The following MTNR1A variants were observed in gnomAD, a reference collection of about 807,000 sequenced individuals.
The protein encoded by MTNR1A is melatonin receptor type 1A.
Under a neutral mutation model 5.5 loss-of-function variants are expected in MTNR1A, and 7 were observed. The ratio of observed to expected loss-of-function variants is 1.28; its 90% CI spans 0.73 to 2.40. The LOEUF is 2.40. Among genes scored for constraint, MTNR1A ranks in the 30% most tolerant of loss-of-function variants. The pLI, the probability that MTNR1A is intolerant of heterozygous loss-of-function variation, is 0.00. For missense variants in MTNR1A, 441 were observed against 464.4 expected (o/e 0.95, Z 0.46); for synonymous variants, 196 against 202.7 (o/e 0.97, Z 0.28).
chr4:186,537,531 T>C (rs571368968), intron 1 of MTNR1A, among the ~76,000 whole-genome samples: 2 of 152,220 alleles, frequency 1.3e-5, no homozygotes, highest in Non-Finnish European at 2.9e-5. Context: ...TGAATATAGT[T>C]CCAATCCTTA....
At chr4:186,552,666 T>C (rs1417154774) in intron 1 of MTNR1A, among the ~76,000 whole-genome samples, 1 of 152,210 alleles carries the variant, frequency 6.6e-6, no homozygotes. Context: ...AACACTCTTA[T>C]GAGGCTAAGC....
chr4:186,547,843 A>C (rs997823063), intron 1 of MTNR1A, among the ~76,000 whole-genome samples: 7 of 152,128 alleles, frequency 4.6e-5, no homozygotes, highest in Non-Finnish European at 8.8e-5. Flanking sequence ...GCTTGTTCCC[A>C]TCTGGATTTC....
intron 1 of MTNR1A, among the ~76,000 whole-genome samples, chr4:186,546,465 G>T (rs1428731085): frequency 1.3e-5 from 2 of 152,046 alleles, no homozygotes; most frequent in African/African-American, 4.8e-5. Context: ...CATACTTGGT[G>T]ACTCCTTCTC....
chr4:186,544,677 T>C (rs1439595193), intron 1 of MTNR1A, among the ~76,000 whole-genome samples: 1 of 152,180 alleles, frequency 6.6e-6, no homozygotes, highest in East Asian at 1.9e-4. Flanking sequence ...TTTGATAATC[T>C]CCAAATCTGT....
At chr4:186,549,060 A>G (rs1026396933) in intron 1 of MTNR1A, among the ~76,000 whole-genome samples, 6 of 151,922 alleles carry the variant, frequency 3.9e-5, no homozygotes, top group Non-Finnish European at 5.9e-5. Flanking sequence ...TTGCAATTTA[A>G]ACCACATCTT....
At chr4:186,551,085 G>A (rs73024794) in intron 1 of MTNR1A, among the ~76,000 whole-genome samples, 1,786 of 152,324 alleles carry the variant, frequency 0.012, 35 homozygotes, top group African/African-American at 0.04. Flanking sequence ...CTTGGAGATC[G>A]CATGAAGTGG....
rs1268208361 is a variant in MTNR1A at position 186,534,149 on chromosome 4, A to T, written c.593T>A (p.Val198Asp). Residue 198 changes from valine (V) to aspartate (D), a missense_variant, in exon 2 of 2, where the codon GTC becomes GAC. Coordinates refer to ENST00000307161, the MANE Select transcript of MTNR1A (RefSeq NM_005958.4). The part of the protein sequence containing the change: ...TIAVVVFHFL[V>D]PMIIVIFCYL... The stretch of plus-strand genomic sequence containing the variant: ...ACAGAAGATGACTATGATCATGGGG[A>T]CGAGGAAGTGGAAAACCACCACGGC... 1 of 1,613,478 alleles carries T rather than the reference A, an allele frequency of 6.2e-7. No homozygotes were observed. The highest frequency in any genetic ancestry group is 8.5e-7 in the Non-Finnish European group (1 of 1,179,568).
chr4:186,547,379 CCACACCCTGTTCGTGGGACACACTGTCCT>C, intron 1 of MTNR1A, among the ~76,000 whole-genome samples: 1 of 148,144 alleles, frequency 6.8e-6, no homozygotes, highest in South Asian at 2.1e-4. Context: ...ACTGTCCACA[CCACACCCTGTTCGTGGGACACACTGTCCT>C]CACACCCTGT....
intron 1 of MTNR1A, among the ~76,000 whole-genome samples, chr4:186,552,686 T>A (rs141651815): frequency 6.6e-6 from 1 of 152,342 alleles, no homozygotes; most frequent in East Asian, 1.9e-4. Flanking sequence ...CGGTTGGGTA[T>A]TACCTGCAAT....
intron 1 of MTNR1A, among the ~76,000 whole-genome samples, chr4:186,545,652 T>C (rs910202702): frequency 1.3e-5 from 2 of 152,138 alleles, no homozygotes; most frequent in Non-Finnish European, 2.9e-5. Flanking sequence ...AGCCTGGACT[T>C]TAACCACGTG....
chr4:186,549,494 TTCACATC>T (rs1180512124), intron 1 of MTNR1A, among the ~76,000 whole-genome samples: 1 of 152,190 alleles, frequency 6.6e-6, no homozygotes, highest in Non-Finnish European at 1.5e-5. Context: ...TGAACTAGTT[TTCACATC>T]TCCCAGTTAT....
rs142573607 is a variant in MTNR1A, at chr4:186,546,555, G to A, written c.184+8627C>T. ...GCCATCCACATCACACCCCATTAACGGGATATGCTGTCCACACCACACCCT... is the reference window on the plus strand; with the variant it reads ...GCCATCCACATCACACCCCATTAACAGGATATGCTGTCCACACCACACCCT... On this transcript the variant is annotated intron_variant, in intron 1 of 1. Transcript: ENST00000307161. Among the ~76,000 whole-genome samples, 866 of 152,004 alleles carry A rather than the reference G, an allele frequency of 5.7e-3. 12 individuals carry two copies. The highest frequency in any genetic ancestry group is 0.02 in the African/African-American group (817 of 41,322).
chr4:186,549,272 C>T (rs1737219893), intron 1 of MTNR1A, among the ~76,000 whole-genome samples: 1 of 152,134 alleles, frequency 6.6e-6, no homozygotes, highest in African/African-American at 2.4e-5. Context: ...ATACTAATTA[C>T]TGATTACACA....
At chr4:186,552,196 G>A (rs1309441183) in intron 1 of MTNR1A, among the ~76,000 whole-genome samples, 2 of 152,164 alleles carry the variant, frequency 1.3e-5, no homozygotes, top group Non-Finnish European at 2.9e-5. Flanking sequence ...CATTTAATGA[G>A]TCTATTTCAA....
At chr4:186,548,810 G>GACATATATATATAT (rs1553981673) in intron 1 of MTNR1A, among the ~76,000 whole-genome samples, 3 of 54,592 alleles carry the variant, frequency 5.5e-5, no homozygotes, top group Non-Finnish European at 1.0e-4. Context: ...AATCTATAAA[G>GACATATATATATAT]ATATATATAT....
intron 1 of MTNR1A, among the ~76,000 whole-genome samples, chr4:186,553,026 G>A (rs944086858): frequency 6.6e-6 from 1 of 152,162 alleles, no homozygotes; most frequent in Non-Finnish European, 1.5e-5. Flanking sequence ...CTTGAGGAGA[G>A]GAAGGTGGCA....
At chr4:186,543,890 C>T (rs1490511569) in intron 1 of MTNR1A, among the ~76,000 whole-genome samples, 1 of 152,166 alleles carries the variant, frequency 6.6e-6, no homozygotes, top group South Asian at 2.1e-4. Context: ...ATTGTGTCAA[C>T]TTAGCTAAAT....
intron 1 of MTNR1A, among the ~76,000 whole-genome samples, chr4:186,540,600 T>C (rs983881860): frequency 6.6e-6 from 1 of 152,282 alleles, no homozygotes. Context: ...CCATGTGATC[T>C]GAAAGCTGTC....
intron 1 of MTNR1A, among the ~76,000 whole-genome samples, chr4:186,544,838 A>G (rs906580522): frequency 3.3e-5 from 5 of 152,070 alleles, no homozygotes; most frequent in Non-Finnish European, 7.4e-5. Flanking sequence ...TTTCTCCCCA[A>G]AGTGTCTGTG....
Sources: gnomAD v4.1 joint callset for allele counts (sites outside exome capture counted in the v4.1 genomes callset) on GRCh38, gnomAD v4.1.1 for gene constraint, MANE v1.5 for transcripts, NCBI Gene and HGNC (gene_info 2026-07-23, HGNC 2026-07-21) for gene names.